Variants in C6orf62 observed in about 807,000 individuals in gnomAD.
C6orf62 encodes chromosome 6 open reading frame 62.
In C6orf62, 16 loss-of-function variants were observed where a neutral mutation model predicts 26.8. That is an observed-to-expected ratio of 0.60 (90% CI 0.40 to 0.91). The LOEUF (loss-of-function observed/expected upper bound fraction) is 0.91. Among genes scored for constraint, C6orf62 ranks in the 40% least tolerant of loss-of-function variants. C6orf62 has a pLI of 0.00. For synonymous variants in C6orf62, 112 were observed against 91.5 expected, an observed-to-expected ratio of 1.22 and a Z score of -1.28; for missense variants, 192 against 271.4, an observed-to-expected ratio of 0.71 and a Z score of 2.06.
At position 24,718,832 on chromosome 6, in the gene C6orf62, A is replaced by G. The variant is rs1779292177; in HGVS notation, c.-164T>C. ...CCCAAAAACTGCACCTTCTGTCAAT[A>G]TTAGCAGACTGTCATATTACAGGGT... On this transcript the variant is annotated 5_prime_UTR_variant, in exon 1 of 5. Transcript: ENST00000378119. The G allele has an allele frequency of 3.4e-6, 5 of 1,479,646 alleles. No individual in the cohort carries two copies. The highest frequency in any genetic ancestry group is 8.9e-7 in the Non-Finnish European group (1 of 1,124,376). 91.7% of individuals were successfully genotyped at this position (1,479,646 alleles called of 1,614,324 possible).
chr6:24,719,871 G>T, upstream of C6orf62: 1 of 1,550,134 alleles, frequency 6.5e-7, no homozygotes, highest in South Asian at 1.2e-5. Context: ...CGCACCACGG[G>T]AGACACAGGA....
intron 2 of C6orf62, among the ~76,000 whole-genome samples, chr6:24,714,828 A>G (rs987382265): frequency 4.6e-5 from 7 of 152,194 alleles, no homozygotes; most frequent in African/African-American, 1.7e-4. Context: ...CACGTCAGCC[A>G]GGCTGGTCTC....
chr6:24,709,901 T>C, intron 3 of C6orf62: 2 of 985,462 alleles, frequency 2.0e-6, no homozygotes, highest in Non-Finnish European at 2.4e-6. Flanking sequence ...TTCAAACAAA[T>C]TTTATTGCCG....
At chr6:24,720,115 T>C (rs1779325376), upstream of C6orf62, 6 of 1,225,378 alleles carry the variant, frequency 4.9e-6, no homozygotes, top group Non-Finnish European at 6.1e-6. Context: ...GTGGGGTCGT[T>C]AGTTGTTTCC....
At chr6:24,719,770 T>C, upstream of C6orf62, 1 of 1,544,792 alleles carries the variant, frequency 6.5e-7, no homozygotes, top group Non-Finnish European at 8.7e-7. Context: ...CGGGTTCTTC[T>C]CCCAAATCCC....
chr6:24,709,455 A>T, intron 3 of C6orf62: 1 of 981,878 alleles, frequency 1.0e-6, no homozygotes, highest in Non-Finnish European at 1.2e-6. Flanking sequence ...CCCTAGCTGC[A>T]CAACTCACTA....
intron 2 of C6orf62, 28 bp from the exon 3 acceptor site, chr6:24,714,468 T>G: frequency 6.7e-7 from 1 of 1,500,956 alleles, no homozygotes; most frequent in Non-Finnish European, 9.0e-7. Flanking sequence ...AAAAAAAAGT[T>G]TACTTTTAAA....
Position 24,718,708 on chromosome 6 carries a change from A to G in C6orf62, c.-40T>C, listed in dbSNP as rs770287248. 5 of 1,606,600 alleles carry G rather than the reference A, an allele frequency of 3.1e-6. No homozygotes were observed. In the East Asian group the frequency reaches 1.1e-4, roughly 36 times the overall value. On this transcript the variant is annotated 5_prime_UTR_variant, in exon 1 of 5. Coordinates refer to ENST00000378119, the MANE Select transcript of C6orf62 (RefSeq NM_030939.5). ...GGTACTAAAGCCTTTGGAAATTGTC[A>G]CTAAACTATGGGCACTTTTTCTTAA...
At chr6:24,718,101 G>A (rs1054864220) in intron 1 of C6orf62, among the ~76,000 whole-genome samples, 3 of 152,188 alleles carry the variant, frequency 2.0e-5, no homozygotes, top group Admixed American at 6.5e-5. Context: ...TTAAATGTAA[G>A]AGAAAAGGTT....
upstream of C6orf62, chr6:24,719,650 T>G: frequency 6.9e-7 from 1 of 1,444,498 alleles, no homozygotes; most frequent in Non-Finnish European, 9.1e-7. Context: ...ACCCCCAGCC[T>G]GCAACTAGTC....
chr6:24,704,917 TTTTC>T lies in C6orf62; in HGVS notation c.*1216_*1219del, dbSNP rs957530679. ...TTCACCTATTTTATTTAGGTTTTCTTTTTCTTTTTTTCTTTTTTTTTCAAATTCC... is the reference window on the plus strand; with the variant it reads ...TTCACCTATTTTATTTAGGTTTTCTTTTTTTTTCTTTTTTTTTCAAATTCC... On this transcript the variant is annotated 3_prime_UTR_variant, in exon 5 of 5. Transcript: ENST00000378119. The T allele has an allele frequency of 1.3e-5, 2 of 152,090 alleles. No homozygotes were observed. Among genetic ancestry groups the T allele is most frequent in the African/African-American group, 4.8e-5 (2 of 41,384 alleles). 9.4% of individuals were successfully genotyped at this position (152,090 alleles called of 1,614,324 possible).
At position 24,706,389 on chromosome 6, in the gene C6orf62, A is replaced by G. The variant is rs1189761881; in HGVS notation, c.565-127T>C. On this transcript the variant is annotated intron_variant, in intron 4 of 4. Transcript: ENST00000378119. Reference sequence around the variant, plus strand: ...GAGTAAGGGACAAATTGTAGTCCCTATCCATATTCTAGACAGACAAAATCT... The same window carrying G: ...GAGTAAGGGACAAATTGTAGTCCCTGTCCATATTCTAGACAGACAAAATCT... 8 of 1,354,078 alleles carry G rather than the reference A, an allele frequency of 5.9e-6. No homozygotes were observed. In the Admixed American group the frequency reaches 2.0e-4, roughly 33 times the overall value. The allele number at this position is 1,354,078 out of a possible 1,614,324, so 83.9% of individuals were successfully genotyped here. A position where few individuals can be genotyped will look rare whatever the true frequency, so the allele number is the denominator to read the frequency against.
rs892066397 is a variant in C6orf62, at chr6:24,709,676, G to C, written c.430-765C>G. The C allele has an allele frequency of 8.1e-6, 8 of 985,306 alleles. No individual in the cohort carries two copies. In the African/African-American group the frequency reaches 1.4e-4, roughly 17 times the overall value. The allele number at this position is 985,306 out of a possible 1,614,324, so 61.0% of individuals were successfully genotyped here. Reference sequence around the variant, plus strand: ...CATTCTCAAAAATTTGTGAAGTTATGAAAGACTGTTATCAATTAAGTCAGA... The same window carrying C: ...CATTCTCAAAAATTTGTGAAGTTATCAAAGACTGTTATCAATTAAGTCAGA... On this transcript the variant is annotated intron_variant, in intron 3 of 4. Coordinates refer to ENST00000378119, the MANE Select transcript of C6orf62 (RefSeq NM_030939.5).
At chr6:24,709,428 A>C (rs1374617819) in intron 3 of C6orf62, 1 of 982,520 alleles carries the variant, frequency 1.0e-6, no homozygotes, top group Non-Finnish European at 1.2e-6. Context: ...AAAAAAAAAT[A>C]AATCTGTTTA....
intron 4 of C6orf62, among the ~76,000 whole-genome samples, chr6:24,707,551 G>A (rs187593771): frequency 6.6e-6 from 1 of 151,828 alleles, no homozygotes; most frequent in African/African-American, 2.4e-5. Flanking sequence ...TAGAGATGTC[G>A]TCTCACTCTG....
Position 24,719,131 on chromosome 6 carries a change from G to A in C6orf62, c.-463C>T. 1 of 979,674 alleles carries A rather than the reference G, an allele frequency of 1.0e-6. No individual in the cohort carries two copies. The highest frequency in any genetic ancestry group is 1.2e-6 in the Non-Finnish European group (1 of 829,140). 60.7% of individuals were successfully genotyped at this position (979,674 alleles called of 1,614,324 possible). On this transcript the variant is annotated 5_prime_UTR_variant, in exon 1 of 5. Coordinates refer to ENST00000378119, the MANE Select transcript of C6orf62 (RefSeq NM_030939.5). ...TAGAAAAGGGATTAAGGAACAGGGAGGGGGAAGTGTGATCCTTGCTTTCCA... is the reference window on the plus strand; with the variant it reads ...TAGAAAAGGGATTAAGGAACAGGGAAGGGGAAGTGTGATCCTTGCTTTCCA...
rs561266809 is a variant in C6orf62, at chr6:24,715,431, T to C, written c.306+717A>G. ...ATAAGACATTTATCCACAATAATAA[T>C]ACACAATATTATGAGCCTAATACAA... is the stretch of plus-strand genomic sequence containing the variant. On this transcript the variant is annotated intron_variant, in intron 2 of 4. Transcript: ENST00000378119. Among the ~76,000 whole-genome samples the C allele has an allele frequency of 6.7e-4, 102 of 152,318 alleles. 1 individual carries two copies. The highest frequency in any genetic ancestry group is 2.1e-3 in the African/African-American group (89 of 41,574).
chr6:24,720,085 C>T, upstream of C6orf62: 3 of 1,221,072 alleles, frequency 2.5e-6, no homozygotes, highest in South Asian at 3.0e-5. Flanking sequence ...ACCATGTTTC[C>T]AGAGTTTGGA....
chr6:24,720,378 G>T, upstream of C6orf62: 1 of 1,197,570 alleles, frequency 8.4e-7, no homozygotes, highest in Non-Finnish European at 1.0e-6. Context: ...CCCCGCTGCA[G>T]TGCGCACCGT....
Sources: gnomAD v4.1 joint callset for allele counts (sites outside exome capture counted in the v4.1 genomes callset) on GRCh38, gnomAD v4.1.1 for gene constraint, MANE v1.5 for transcripts, NCBI Gene and HGNC (gene_info 2026-07-23, HGNC 2026-07-21) for gene names.